Variants in NREP observed in about 807,000 individuals in gnomAD.
NREP encodes the protein neuronal regeneration related protein, also known as neuronal regeneration-related protein.
Under a neutral mutation model 8.6 loss-of-function variants are expected in NREP, and 5 were observed. The observed-to-expected ratio is 0.58, with a 90% CI of 0.30 to 1.22. The LOEUF (loss-of-function observed/expected upper bound fraction) is 1.22, where lower values mean the gene tolerates loss of function less well. NREP is among the 50% of genes most tolerant of loss of function. The pLI is 0.07. For synonymous variants in NREP, 27 were observed against 28.0 expected, an observed-to-expected ratio of 0.96 and a Z score of 0.11; for missense variants, 86 against 82.5, an observed-to-expected ratio of 1.04 and a Z score of -0.17.
At chr5:111,867,793 A>G (rs1032496833) in intron 2 of NREP, among the ~76,000 whole-genome samples, 28 of 152,214 alleles carry the variant, frequency 1.8e-4, no homozygotes, top group African/African-American at 6.7e-4. Flanking sequence ...TCCTAGCCCT[A>G]TGACAATAGT....
At chr5:111,879,990 T>G (rs935076954) in intron 2 of NREP, among the ~76,000 whole-genome samples, 2 of 152,192 alleles carry the variant, frequency 1.3e-5, no homozygotes, top group South Asian at 4.1e-4. Context: ...ACATATGAAT[T>G]TGGGGAGATA....
intron 1 of NREP, chr5:111,976,632 G>T: frequency 8.0e-7 from 1 of 1,246,234 alleles, no homozygotes; most frequent in South Asian, 1.4e-5. Flanking sequence ...GTGAGGCAGA[G>T]ACAAACATCC....
chr5:111,773,191 T>C (rs1751277494), intron 2 of NREP, among the ~76,000 whole-genome samples: 1 of 152,046 alleles, frequency 6.6e-6, no homozygotes, highest in African/African-American at 2.4e-5. Context: ...GCTTCAATTC[T>C]CTGAGGGGAA....
chr5:111,826,647 A>G (rs1026249828), intron 2 of NREP, among the ~76,000 whole-genome samples: 1 of 152,214 alleles, frequency 6.6e-6, no homozygotes, highest in African/African-American at 2.4e-5. Context: ...GAAGGAAGCA[A>G]TTCTGCACAC....
intron 2 of NREP, among the ~76,000 whole-genome samples, chr5:111,744,392 G>T (rs1041945416): frequency 1.3e-5 from 2 of 151,886 alleles, no homozygotes; most frequent in Admixed American, 1.3e-4. Flanking sequence ...AAATCACAGG[G>T]TACAGAATTC....
intron 2 of NREP, among the ~76,000 whole-genome samples, chr5:111,932,241 C>T (rs1019560463): frequency 3.3e-5 from 5 of 151,852 alleles, no homozygotes; most frequent in Non-Finnish European, 7.4e-5. Flanking sequence ...AATAAAAATA[C>T]CTATGAGCAT....
At chr5:111,881,543 C>T (rs1257494219) in intron 2 of NREP, among the ~76,000 whole-genome samples, 3 of 152,166 alleles carry the variant, frequency 2.0e-5, no homozygotes, top group Non-Finnish European at 2.9e-5. Flanking sequence ...GGGTCCCTGA[C>T]CCCTGACCCC....
chr5:111,913,398 T>A (rs1385685659), intron 2 of NREP, among the ~76,000 whole-genome samples: 1 of 152,088 alleles, frequency 6.6e-6, no homozygotes, highest in Non-Finnish European at 1.5e-5. Context: ...GGTTGCAAGA[T>A]AATCTAGCTG....
intron 2 of NREP, among the ~76,000 whole-genome samples, chr5:111,762,842 G>C (rs1035759018): frequency 6.6e-6 from 1 of 152,186 alleles, no homozygotes; most frequent in Non-Finnish European, 1.5e-5. Flanking sequence ...GAAGAGTAAA[G>C]GATTTGTAGT....
intron 2 of NREP, among the ~76,000 whole-genome samples, chr5:111,825,683 C>T (rs550338108): frequency 6.6e-6 from 1 of 152,280 alleles, no homozygotes; most frequent in East Asian, 1.9e-4. Flanking sequence ...ATGAACTACT[C>T]TAATAAAACC....
chr5:111,829,004 A>G (rs1205767098), intron 2 of NREP, among the ~76,000 whole-genome samples: 1 of 152,112 alleles, frequency 6.6e-6, no homozygotes, highest in African/African-American at 2.4e-5. Context: ...GAGACAGCTG[A>G]GCTGAAGCTA....
intron 2 of NREP, among the ~76,000 whole-genome samples, chr5:111,807,921 CACA>C (rs1236017300): frequency 7.4e-6 from 1 of 135,906 alleles, no homozygotes; most frequent in Admixed American, 7.8e-5. Flanking sequence ...TCTTCTTTAT[CACA>C]ACAACAATAA....
At chr5:111,948,066 C>T (rs191718082) in intron 2 of NREP, among the ~76,000 whole-genome samples, 9 of 152,072 alleles carry the variant, frequency 5.9e-5, no homozygotes, top group Admixed American at 2.0e-4. Flanking sequence ...GTTAGAAAAT[C>T]CATTTGTTAG....
intron 2 of NREP, chr5:111,738,519 T>A (rs1198380146): frequency 6.6e-6 from 1 of 152,218 alleles, no homozygotes; most frequent in Non-Finnish European, 1.5e-5. Context: ...TAGTGCCACT[T>A]TTCAACTTCA....
At chr5:111,787,544 T>C (rs556259747) in intron 2 of NREP, among the ~76,000 whole-genome samples, 3 of 152,060 alleles carry the variant, frequency 2.0e-5, no homozygotes, top group Admixed American at 2.0e-4. Context: ...CTGACACTCA[T>C]TGGCATTATT....
intron 2 of NREP, among the ~76,000 whole-genome samples, chr5:111,910,383 C>A (rs1221276501): frequency 6.6e-6 from 1 of 151,828 alleles, no homozygotes. Flanking sequence ...AAAGGAACAG[C>A]ACAGAGGGTC....
chr5:111,787,666 G>A (rs546795166), intron 2 of NREP, among the ~76,000 whole-genome samples: 158 of 151,586 alleles, frequency 1.0e-3, no homozygotes, highest in Non-Finnish European at 1.3e-3. Flanking sequence ...TTCCAAATGC[G>A]TTTTTTTATT....
Position 111,862,763 on chromosome 5 carries a change from A to G in NREP, c.135+112511T>C, listed in dbSNP as rs563765256. ...GTTTACAATCTACTAAAGACGACAG[A>G]CAAAACTACCCATGGCATTATTATT... On this transcript the variant is annotated intron_variant, in intron 2 of 3. Coordinates refer to the NREP transcript ENST00000395634. Among the ~76,000 whole-genome samples the G allele has an allele frequency of 8.5e-5, 13 of 152,108 alleles. No homozygotes were observed. In the South Asian group the frequency reaches 2.3e-3, roughly 27 times the overall value.
intron 2 of NREP, among the ~76,000 whole-genome samples, chr5:111,808,065 C>T (rs1272395543): frequency 1.3e-5 from 2 of 152,158 alleles, no homozygotes; most frequent in African/African-American, 2.4e-5. Flanking sequence ...TAGTCTTTTG[C>T]GTCTGGTCAC....
Sources: gnomAD v4.1 joint callset for allele counts (sites outside exome capture counted in the v4.1 genomes callset) on GRCh38, gnomAD v4.1.1 for gene constraint, MANE v1.5 for transcripts, NCBI Gene and HGNC (gene_info 2026-07-23, HGNC 2026-07-21) for gene names.